The following ARHGAP24 variants were observed in gnomAD, a reference collection of about 807,000 sequenced individuals.
The protein encoded by ARHGAP24 is Rho GTPase activating protein 24, also known as rho GTPase-activating protein 24.
Under a neutral mutation model 76.4 loss-of-function variants are expected in ARHGAP24, and 50 were observed. The observed-to-expected ratio is 0.65, with a 90% CI of 0.52 to 0.83. The LOEUF (loss-of-function observed/expected upper bound fraction) is 0.83, where lower values mean the gene tolerates loss of function less well. Ranked by LOEUF, ARHGAP24 falls within the 40% of genes least tolerant of loss-of-function variation. ARHGAP24 has a pLI of 0.00. For synonymous variants in ARHGAP24, 345 were observed against 323.3 expected (o/e 1.07, Z -0.72); for missense variants, 930 against 914.2 (o/e 1.02, Z -0.22).
At chr4:85,488,138 A>T (rs975477548) in intron 1 of ARHGAP24, among the ~76,000 whole-genome samples, 2 of 151,436 alleles carry the variant, frequency 1.3e-5, no homozygotes, top group African/African-American at 4.9e-5. Flanking sequence ...GTGGGTATGA[A>T]AGGTGTTGTA....
At chr4:85,581,373 T>A (rs1427139455) in intron 2 of ARHGAP24, among the ~76,000 whole-genome samples, 4 of 152,146 alleles carry the variant, frequency 2.6e-5, no homozygotes, top group African/African-American at 9.7e-5. Flanking sequence ...CTTAAACATG[T>A]TTTTCTAGAT....
chr4:85,582,517 T>C (rs540704771), intron 2 of ARHGAP24, among the ~76,000 whole-genome samples: 48 of 152,222 alleles, frequency 3.2e-4, no homozygotes, highest in African/African-American at 1.0e-3. Context: ...ACGCATGAGA[T>C]AGAAAACTTG....
At chr4:85,808,972 T>C (rs1560644360) in intron 3 of ARHGAP24, among the ~76,000 whole-genome samples, 3 of 152,178 alleles carry the variant, frequency 2.0e-5, no homozygotes. Context: ...AAAGGATCAT[T>C]ACAGAATTGT....
chr4:85,946,772 A>G (rs1737293952), intron 5 of ARHGAP24, among the ~76,000 whole-genome samples: 1 of 152,230 alleles, frequency 6.6e-6, no homozygotes, highest in African/African-American at 2.4e-5. Flanking sequence ...TACTATTGTG[A>G]ATAGCACTGA....
chr4:85,484,194 A>G (rs1173236332), intron 1 of ARHGAP24, among the ~76,000 whole-genome samples: 1 of 152,172 alleles, frequency 6.6e-6, no homozygotes, highest in East Asian at 1.9e-4. Flanking sequence ...CTGACTAGCT[A>G]GATTCTGTAC....
At chr4:85,514,445 T>G (rs938348550) in intron 1 of ARHGAP24, among the ~76,000 whole-genome samples, 5 of 152,304 alleles carry the variant, frequency 3.3e-5, no homozygotes, top group African/African-American at 2.4e-5. Context: ...TAGTGTATAA[T>G]TTTTCCTTTT....
Position 85,972,040 on chromosome 4 carries a change from A to C in ARHGAP24, c.604A>C (p.Thr202Pro), listed in dbSNP as rs1431010963. 2 of 1,613,930 alleles carry C rather than the reference A, an allele frequency of 1.2e-6. No homozygotes were observed. The highest frequency in any genetic ancestry group is 1.7e-6 in the Non-Finnish European group (2 of 1,179,978). Residue 202 changes from threonine (T) to proline (P), a missense_variant, in exon 6 of 10, where the codon ACA (threonine) becomes CCA (proline). Transcript: ENST00000395184. Reference protein sequence around the residue: ...CGEKPSFDSNTDVHTVASLLK... With the variant: ...CGEKPSFDSNPDVHTVASLLK... Reference sequence around the variant, plus strand: ...TTCACACTTCTGTCTCCACAGCAACACAGATGTACACACGGTGGCATCACT... The same window carrying C: ...TTCACACTTCTGTCTCCACAGCAACCCAGATGTACACACGGTGGCATCACT...
chr4:85,858,574 T>C (rs1383298931), intron 3 of ARHGAP24, among the ~76,000 whole-genome samples: 8 of 152,148 alleles, frequency 5.3e-5, no homozygotes, highest in African/African-American at 1.9e-4. Flanking sequence ...TAATGCTCTA[T>C]GCAAATGTTA....
chr4:85,728,600 C>G (rs74517566), intron 3 of ARHGAP24, among the ~76,000 whole-genome samples: 5,004 of 152,222 alleles, frequency 0.033, 248 homozygotes, highest in African/African-American at 0.11. Flanking sequence ...TACAGAAGAA[C>G]TTTTCCTGGA....
chr4:85,592,746 T>C (rs1435602954), intron 2 of ARHGAP24, among the ~76,000 whole-genome samples: 1 of 152,202 alleles, frequency 6.6e-6, no homozygotes, highest in Non-Finnish European at 1.5e-5. Context: ...GAAAAGTTTG[T>C]CTTTCTGTTC....
chr4:85,995,316 C>G lies in ARHGAP24; in HGVS notation c.1662C>G (p.Thr554=), dbSNP rs992175741. The change falls in exon 9 of 10, where the codon ACC becomes ACG. Residue 554 remains threonine (T), a synonymous_variant. Transcript: ENST00000395184. ...ACAAGCAGAGCATTGACAGTGCTAC[C>G]TGGTCCACTTCCTCCTGTGAAATCT... ...LDDKQSIDSA[T]WSTSSCEISL... 13 of 1,614,082 alleles carry G rather than the reference C, an allele frequency of 8.1e-6. No individual in the cohort carries two copies. Among genetic ancestry groups the G allele is most frequent in the Non-Finnish European group, 1.1e-5 (13 of 1,180,034 alleles).
chr4:85,523,826 G>GT (rs1724878679), intron 1 of ARHGAP24, among the ~76,000 whole-genome samples: 1 of 143,494 alleles, frequency 7.0e-6, no homozygotes, highest in East Asian at 2.0e-4. Flanking sequence ...AGGTTCCTTG[G>GT]TTAAAAAAAA....
intron 2 of ARHGAP24, among the ~76,000 whole-genome samples, chr4:85,687,060 CTAAT>C (rs1401076330): frequency 1.3e-5 from 2 of 151,688 alleles, no homozygotes; most frequent in Non-Finnish European, 2.9e-5. Flanking sequence ...AGAAAAATTG[CTAAT>C]TAGAGATTCA....
chr4:85,516,696 C>CT (rs5859979), intron 1 of ARHGAP24, among the ~76,000 whole-genome samples: 139,977 of 151,142 alleles, frequency 0.93, 65,711 homozygotes, highest in East Asian at 1. Flanking sequence ...AAGATTTAGT[C>CT]TTATGTTTGG....
At chr4:85,881,886 A>G (rs1578339817) in intron 3 of ARHGAP24, among the ~76,000 whole-genome samples, 2 of 152,218 alleles carry the variant, frequency 1.3e-5, no homozygotes, top group South Asian at 2.1e-4. Context: ...TAAATCGGAT[A>G]TTATTTATAG....
At chr4:85,941,968 CA>C in intron 4 of ARHGAP24, 97 bp from the exon 5 acceptor site, 1 of 1,242,778 alleles carries the variant, frequency 8.0e-7, no homozygotes, top group Non-Finnish European at 1.2e-6. Context: ...GCTAGCATTC[CA>C]ATCTTTGTTT....
At position 85,930,514 on chromosome 4, in the gene ARHGAP24, T is replaced by C. The variant is rs1736268818; in HGVS notation, c.391+6744T>C. On this transcript the variant is annotated intron_variant, in intron 4 of 9. Coordinates refer to ENST00000395184, the MANE Select transcript of ARHGAP24 (RefSeq NM_001025616.3). ...GTTCCTCTTTCCTCTTGCACAGAGC[T>C]ATTTGCTGACCTTTCCAGAGGAATC... is the stretch of plus-strand genomic sequence containing the variant. The C allele has an allele frequency of 3.0e-6, 3 of 1,007,568 alleles. No homozygotes were observed. In the South Asian group the frequency reaches 1.3e-4, roughly 42 times the overall value. The allele number at this position is 1,007,568 out of a possible 1,614,324, so 62.4% of individuals were successfully genotyped here.
chr4:85,779,919 C>T (rs756248498), intron 3 of ARHGAP24, among the ~76,000 whole-genome samples: 5 of 152,264 alleles, frequency 3.3e-5, no homozygotes, highest in Non-Finnish European at 5.9e-5. Context: ...AAAAAGTAAA[C>T]TTTTACCACT....
intron 1 of ARHGAP24, among the ~76,000 whole-genome samples, chr4:85,534,510 A>G (rs1257488039): frequency 6.6e-6 from 1 of 152,188 alleles, no homozygotes; most frequent in African/African-American, 2.4e-5. Context: ...TTGCCTGGCC[A>G]CAGTGAGGCT....
Sources: gnomAD v4.1 joint callset for allele counts (sites outside exome capture counted in the v4.1 genomes callset) on GRCh38, gnomAD v4.1.1 for gene constraint, MANE v1.5 for transcripts, NCBI Gene and HGNC (gene_info 2026-07-23, HGNC 2026-07-21) for gene names.